Variants in SNAP25 observed in about 807,000 individuals in gnomAD.
The protein encoded by SNAP25 is synaptosomal-associated protein 25.
SNAP25 carries 3 observed loss-of-function variants against 28.7 expected under a neutral mutation model. The ratio of observed to expected loss-of-function variants is 0.10; its 90% CI spans 0.05 to 0.27. SNAP25 has a LOEUF of 0.27. Ranked by LOEUF, SNAP25 falls within the 10% of genes least tolerant of loss-of-function variation. SNAP25 has a pLI of 1.00. For missense variants in SNAP25, 117 were observed against 278.7 expected (o/e 0.42, Z 4.13); for synonymous variants, 61 against 88.1 (o/e 0.69, Z 1.72).
At chr20:10,260,215 C>T (rs1330049180) in intron 1 of SNAP25, among the ~76,000 whole-genome samples, 1 of 152,116 alleles carries the variant, frequency 6.6e-6, no homozygotes, top group Non-Finnish European at 1.5e-5. Context: ...GTTCGTAGGT[C>T]TCCTCCCTCA....
chr20:10,236,007 G>T (rs1410694381), intron 1 of SNAP25, among the ~76,000 whole-genome samples: 5 of 152,154 alleles, frequency 3.3e-5, no homozygotes, highest in African/African-American at 7.2e-5. Flanking sequence ...ATGGATTTTG[G>T]GAGGGGAATT....
chr20:10,220,044 G>GT (rs1300132289), intron 1 of SNAP25, among the ~76,000 whole-genome samples: 1 of 152,168 alleles, frequency 6.6e-6, no homozygotes, highest in African/African-American at 2.4e-5. Flanking sequence ...GTTTGGTTTT[G>GT]TTTTTTAACA....
Position 10,224,257 on chromosome 20 carries a change from C to CTTTTTTTT in SNAP25, c.-64+5308_-64+5315dup, listed in dbSNP as rs71332917. 1.5e-3 allele frequency among the ~76,000 whole-genome samples: 27 copies of CTTTTTTTT among 17,428 alleles called. 7 individuals carry two copies. Among genetic ancestry groups the CTTTTTTTT allele is most frequent in the African/African-American group, 2.7e-3 (10 of 3,696 alleles). 11.4% of individuals were successfully genotyped at this position (17,428 alleles called of 152,430 possible). On this transcript the variant is annotated intron_variant, in intron 1 of 7. Transcript: ENST00000254976. ...AATAAGGCATAGAGAATGTACATGT[C>CTTTTTTTT]TTTTTTTTTTTTTTTTTTTTTTTTT...
chr20:10,265,422 C>T (rs2063490407), intron 1 of SNAP25, among the ~76,000 whole-genome samples: 1 of 152,212 alleles, frequency 6.6e-6, no homozygotes. Flanking sequence ...TTATCAGCAC[C>T]ATCCACAGAG....
chr20:10,274,567 G>T (rs1051419266), intron 1 of SNAP25, among the ~76,000 whole-genome samples: 6 of 152,172 alleles, frequency 3.9e-5, no homozygotes, highest in Non-Finnish European at 8.8e-5. Context: ...GATCAGGCTG[G>T]GTGCGGTGGC....
chr20:10,225,515 G>C (rs2062720725), intron 1 of SNAP25, among the ~76,000 whole-genome samples: 1 of 152,148 alleles, frequency 6.6e-6, no homozygotes, highest in Admixed American at 6.5e-5. Flanking sequence ...GAATGATGCT[G>C]AATAACAGCT....
intron 1 of SNAP25, among the ~76,000 whole-genome samples, chr20:10,274,067 A>G (rs1284761613): frequency 6.6e-6 from 1 of 152,096 alleles, no homozygotes; most frequent in Non-Finnish European, 1.5e-5. Flanking sequence ...GAATTTGCCT[A>G]TCTTGTCCAT....
chr20:10,291,383 C>T (rs571321476), intron 4 of SNAP25, among the ~76,000 whole-genome samples: 2 of 152,070 alleles, frequency 1.3e-5, no homozygotes, highest in African/African-American at 4.8e-5. Context: ...GCTATATTTG[C>T]GGATTTTTTT....
chr20:10,253,805 G>A (rs1447287993), intron 1 of SNAP25, among the ~76,000 whole-genome samples: 1 of 152,190 alleles, frequency 6.6e-6, no homozygotes, highest in Non-Finnish European at 1.5e-5. Context: ...AGTGACATTT[G>A]TACATTTTGT....
intron 4 of SNAP25, among the ~76,000 whole-genome samples, chr20:10,287,670 A>C (rs1485375487): frequency 1.3e-5 from 2 of 149,324 alleles, no homozygotes; most frequent in Non-Finnish European, 3.0e-5. Context: ...TATATACCCA[A>C]AGGACTATAA....
chr20:10,227,026 A>C (rs2062745141), intron 1 of SNAP25, among the ~76,000 whole-genome samples: 1 of 152,074 alleles, frequency 6.6e-6, no homozygotes, highest in African/African-American at 2.4e-5. Context: ...TTGACTAAGA[A>C]AGGATCCTTT....
intron 4 of SNAP25, among the ~76,000 whole-genome samples, chr20:10,288,779 A>G (rs2063934668): frequency 6.6e-6 from 1 of 151,984 alleles, no homozygotes; most frequent in South Asian, 2.1e-4. Flanking sequence ...GGCCGGTCTT[A>G]AATGGTACAC....
intron 1 of SNAP25, among the ~76,000 whole-genome samples, chr20:10,234,144 C>T (rs1401277921): frequency 6.6e-6 from 1 of 151,178 alleles, no homozygotes; most frequent in Non-Finnish European, 1.5e-5. Context: ...TTTAATGATC[C>T]TTGTTTCTTT....
chr20:10,233,784 G>C (rs887395665), intron 1 of SNAP25, among the ~76,000 whole-genome samples: 2 of 152,254 alleles, frequency 1.3e-5, no homozygotes, highest in African/African-American at 2.4e-5. Context: ...AGTATCTCAG[G>C]CGTCTGGTTT....
intron 1 of SNAP25, among the ~76,000 whole-genome samples, chr20:10,241,788 AAGTGTTAGGAGGG>A (rs1343916792): frequency 1.3e-5 from 2 of 152,270 alleles, no homozygotes; most frequent in Admixed American, 6.5e-5. Context: ...GAGGAAAGTG[AAGTGTTAGGAGGG>A]AGCCAGGTTA....
chr20:10,272,205 C>T (rs1276475713), intron 1 of SNAP25, among the ~76,000 whole-genome samples: 1 of 152,200 alleles, frequency 6.6e-6, no homozygotes, highest in Non-Finnish European at 1.5e-5. Context: ...TATTAAGCTC[C>T]ACATCCTTTT....
chr20:10,300,660 T>C (rs1281268883), intron 7 of SNAP25, among the ~76,000 whole-genome samples: 1 of 152,232 alleles, frequency 6.6e-6, no homozygotes, highest in African/African-American at 2.4e-5. Context: ...GGGAACACTT[T>C]GTCCTGTTGT....
At chr20:10,274,850 TAAAAA>T (rs537715109) in intron 1 of SNAP25, among the ~76,000 whole-genome samples, 1 of 150,738 alleles carries the variant, frequency 6.6e-6, no homozygotes, top group African/African-American at 2.4e-5. Context: ...CTCAAAAAAA[TAAAAA>T]AAAGAAAGTA....
At chr20:10,277,365 G>A (rs1286963846) in intron 2 of SNAP25, among the ~76,000 whole-genome samples, 1 of 152,166 alleles carries the variant, frequency 6.6e-6, no homozygotes, top group Non-Finnish European at 1.5e-5. Context: ...GAGTAATTGA[G>A]ATAATTTTTC....
Sources: gnomAD v4.1 joint callset for allele counts (sites outside exome capture counted in the v4.1 genomes callset) on GRCh38, gnomAD v4.1.1 for gene constraint, MANE v1.5 for transcripts, NCBI Gene and HGNC (gene_info 2026-07-23, HGNC 2026-07-21) for gene names.